The following PLOD1 variants were observed in gnomAD, a reference collection of about 807,000 sequenced individuals.
PLOD1 encodes procollagen-lysine,2-oxoglutarate 5-dioxygenase 1, also known as lysine hydroxylase.
In PLOD1, 70 loss-of-function variants were observed where a neutral mutation model predicts 94.7. That is an observed-to-expected ratio of 0.74 (90% CI 0.61 to 0.90). PLOD1 has a LOEUF of 0.90. Among genes scored for constraint, PLOD1 ranks in the 40% least tolerant of loss-of-function variants. PLOD1 has a pLI of 0.00. For missense variants in PLOD1, 905 were observed against 972.7 expected, an observed-to-expected ratio of 0.93 and a Z score of 0.93; for synonymous variants, 417 against 400.2, an observed-to-expected ratio of 1.04 and a Z score of -0.50.
At chr1:11,954,310 CA>C (rs754503001) in intron 5 of PLOD1, 21,423 of 160,154 alleles carry the variant, frequency 0.13, 139 homozygotes, top group African/African-American at 0.21. Context: ...CCATCTCTAG[CA>C]AAAAAAAAAA....
Position 11,958,536 on chromosome 1 carries a change from C to T in PLOD1, c.864C>T (p.Val288=), listed in dbSNP as rs1054344149. ...TGCAGGATGAAGCTCTGCCCACGGT[C>T]CTGGTCGGCGTGTTCATCGAACAGC... ...KGIGDEALPT[V]LVGVFIEQPT... is the part of the protein sequence containing the mutation. The change falls in exon 9 of 19, where the codon GTC becomes GTT. Residue 288 remains valine (V), a synonymous_variant. Transcript: ENST00000196061. The surrounding 1 kb of genome is among the most constrained non-coding windows in gnomAD (Gnocchi z 4.3). The T allele has an allele frequency of 3.1e-6, 5 of 1,613,904 alleles. No individual in the cohort carries two copies. The highest frequency in any genetic ancestry group is 3.3e-5 in the Admixed American group (2 of 59,976).
In PLOD1 at chr1:11,965,596, G is replaced by A; in HGVS notation, c.1584+3G>A. 6.3e-7 allele frequency: 1 copy of A among 1,587,678 alleles called. No homozygotes were observed. The highest frequency in any genetic ancestry group is 8.6e-7 in the Non-Finnish European group (1 of 1,156,240). ...GGGAGGTGTTCAGCAACCCCGAGGT[G>A]AGGCCAGGGTGGGCACATAGGGGCT... On this transcript the variant is annotated splice_donor_region_variant and intron_variant, in intron 14 of 18. Coordinates refer to ENST00000196061, the MANE Select transcript of PLOD1 (RefSeq NM_000302.4).
In PLOD1 at chr1:11,964,201, G is replaced by C; in HGVS notation, c.1229G>C (p.Arg410Pro). 1 of 1,613,886 alleles carries C rather than the reference G, an allele frequency of 6.2e-7. No homozygotes were observed. The highest frequency in any genetic ancestry group is 2.2e-5 in the East Asian group (1 of 44,878). Reference sequence around the variant, plus strand: ...AACGTCATTGCCCCGCTGATGACCCGGCATGGGAGGCTGTGGTCGAACTTC... The same window carrying C: ...AACGTCATTGCCCCGCTGATGACCCCGCATGGGAGGCTGTGGTCGAACTTC... The part of the protein sequence containing the change: ...NKNVIAPLMT[R>P]HGRLWSNFWG... The change falls in exon 12 of 19, where the codon CGG (arginine) becomes CCG (proline). Residue 410 changes from arginine to proline, a missense_variant. Coordinates refer to ENST00000196061, the MANE Select transcript of PLOD1 (RefSeq NM_000302.4).
intron 14 of PLOD1, 41 bp downstream of exon 14, chr1:11,965,634 G>T (rs754281247): frequency 1.1e-5 from 14 of 1,220,158 alleles, no homozygotes; most frequent in Non-Finnish European, 1.7e-5. Context: ...GAGCAAAGGG[G>T]CCCAGTGATC....
chr1:11,939,898 G>A (rs543897330), intron 1 of PLOD1, among the ~76,000 whole-genome samples: 8 of 152,104 alleles, frequency 5.3e-5, no homozygotes, highest in East Asian at 3.9e-4. Context: ...GTGAGCCACC[G>A]CACACATCAT....
At position 11,957,178 on chromosome 1, in the gene PLOD1, T is replaced by G. The variant is rs768581465; in HGVS notation, c.741+164T>G. The G allele has an allele frequency of 1.3e-6, 1 of 764,324 alleles. No homozygotes were observed. The highest frequency in any genetic ancestry group is 1.7e-5 in the Admixed American group (1 of 58,460). The allele number at this position is 764,324 out of a possible 1,614,324, so 47.3% of individuals were successfully genotyped here. On this transcript the variant is annotated intron_variant, in intron 7 of 18. Transcript: ENST00000196061. The surrounding 1 kb of genome is among the most constrained non-coding windows in gnomAD (Gnocchi z 4.1). ...CATCTGAGCTCAGCGTGATGCCTTC[T>G]TTTCCTGCTGTGGTGGTCAGTGGTA...
chr1:11,957,990 T>C lies in PLOD1; in HGVS notation c.843+47T>C. 2 of 1,199,092 alleles carry C rather than the reference T, an allele frequency of 1.7e-6. No homozygotes were observed. The highest frequency in any genetic ancestry group is 2.5e-6 in the Non-Finnish European group (2 of 800,968). 74.3% of individuals were successfully genotyped at this position (1,199,092 alleles called of 1,614,324 possible). ...TGCCTGAGGGACACGGGGGGCTCAG[T>C]CCCCTGAGATGGCGAGATGGGTGAT... On this transcript the variant is annotated intron_variant, in intron 8 of 18. Coordinates refer to ENST00000196061, the MANE Select transcript of PLOD1 (RefSeq NM_000302.4). The surrounding 1 kb of genome is among the most constrained non-coding windows in gnomAD (Gnocchi z 4.1).
At chr1:11,955,862 G>T (rs1193411722) in intron 6 of PLOD1, among the ~76,000 whole-genome samples, 1 of 151,938 alleles carries the variant, frequency 6.6e-6, no homozygotes, top group Non-Finnish European at 1.5e-5. Flanking sequence ...CTGACCTCAG[G>T]TGATCCACCT....
In PLOD1 at chr1:11,963,346, G is replaced by C. The variant is rs979920016; in HGVS notation, c.1098-186G>C. 6.6e-6 allele frequency among the ~76,000 whole-genome samples: 1 copy of C among 152,218 alleles called. No homozygotes were observed. The highest frequency in any genetic ancestry group is 2.4e-5 in the African/African-American group (1 of 41,452). ...ACCAGTTGCCAACCTCTGGGCCTTG[G>C]GTGAGAGAGCCCAGCAGTCCAGGGG... On this transcript the variant is annotated intron_variant, in intron 10 of 18. Coordinates refer to ENST00000196061, the MANE Select transcript of PLOD1 (RefSeq NM_000302.4). This position sits in a 1 kb window ranked among gnomAD's most constrained non-coding sequence, Gnocchi z 4.3.
At position 11,952,638 on chromosome 1, in the gene PLOD1, C is replaced by T; in HGVS notation, c.482C>T (p.Ala161Val). The change falls in exon 5 of 19, where the codon GCC becomes GTC. Residue 161 changes from alanine (A) to valine (V), a missense_variant. By Grantham distance (64) the Ala-to-Val change is moderately conservative (BLOSUM62 0). Coordinates refer to ENST00000196061, the MANE Select transcript of PLOD1 (RefSeq NM_000302.4). Reference sequence around the variant, plus strand: ...CAACCTTCAGGCTTCATCGGTTATGCCCCCAACCTCAGCAAACTGGTGGCC... The same window carrying T: ...CAACCTTCAGGCTTCATCGGTTATGTCCCCAACCTCAGCAAACTGGTGGCC... ...FLGSGGFIGY[A>V]PNLSKLVAEW... is the part of the protein sequence containing the mutation. The T allele has an allele frequency of 1.2e-6, 2 of 1,613,808 alleles. No individual in the cohort carries two copies. Among genetic ancestry groups the T allele is most frequent in the Non-Finnish European group, 1.7e-6 (2 of 1,179,732 alleles).
chr1:11,948,143 TACC>T, intron 2 of PLOD1, 76 bp downstream of exon 2: 1 of 994,466 alleles, frequency 1.0e-6, no homozygotes, highest in Non-Finnish European at 1.6e-6. Context: ...CTTTCCAAAC[TACC>T]ACGTCTCTTA....
At position 11,949,943 on chromosome 1, in the gene PLOD1, G is replaced by A. The variant is rs375832558; in HGVS notation, c.302+37G>A. ...AGGGCTTCCTAGCCTGGGCCCCTCC[G>A]CGGAAGATAGAAGAATATTCTAAAA... On this transcript the variant is annotated intron_variant, in intron 3 of 18. Transcript: ENST00000196061. 83 of 1,605,250 alleles carry A rather than the reference G, an allele frequency of 5.2e-5. No homozygotes were observed. In the African/African-American group the frequency reaches 5.9e-4, roughly 11 times the overall value.
At chr1:11,969,632 T>C (rs77027223) in intron 16 of PLOD1, among the ~76,000 whole-genome samples, 4,534 of 152,248 alleles carry the variant, frequency 0.03, 208 homozygotes, top group African/African-American at 0.1. Flanking sequence ...TCCTGGTTTC[T>C]GTGGGTCAGG....
chr1:11,965,777 C>T (rs1569725599), intron 14 of PLOD1, among the ~76,000 whole-genome samples, 184 bp downstream of exon 14: 1 of 152,134 alleles, frequency 6.6e-6, no homozygotes, highest in Non-Finnish European at 1.5e-5. Context: ...TCCAGAGAGG[C>T]AACACCATCT....
At chr1:11,956,740 C>G (rs1006951451) in intron 6 of PLOD1, among the ~76,000 whole-genome samples, 177 bp from the exon 7 acceptor site, 2 of 152,120 alleles carry the variant, frequency 1.3e-5, no homozygotes, top group African/African-American at 2.4e-5. Context: ...CCCCCTCACC[C>G]CATGAAGAAG....
rs550543036 is a variant in PLOD1, at chr1:11,941,904, GA to G, written c.77-6070del. On this transcript the variant is annotated intron_variant, in intron 1 of 18. Coordinates refer to ENST00000196061, the MANE Select transcript of PLOD1 (RefSeq NM_000302.4). ...TTGCCATGTTGGCCAGGTGGGACTT[GA>G]ATTCCTGACCTCAGGTGATCTGTCC... Among the ~76,000 whole-genome samples, 32 of 151,534 alleles carry G rather than the reference GA, an allele frequency of 2.1e-4. No homozygotes were observed. In the East Asian group the frequency reaches 5.5e-3, roughly 26 times the overall value.
intron 3 of PLOD1, 37 bp downstream of exon 3, chr1:11,949,943 GC>G: frequency 6.2e-7 from 1 of 1,605,250 alleles, no homozygotes; most frequent in South Asian, 1.1e-5. Context: ...GGGCCCCTCC[GC>G]GGAAGATAGA....
Position 11,948,052 on chromosome 1 carries a change from C to G in PLOD1, c.153C>G (p.Phe51Leu), listed in dbSNP as rs371961536. 6.2e-7 allele frequency: 1 copy of G among 1,612,694 alleles called. No homozygotes were observed. Among genetic ancestry groups the G allele is most frequent in the African/African-American group, 1.3e-5 (1 of 74,884 alleles). The change falls in exon 2 of 19, where the codon TTC becomes TTG. Residue 51 changes from phenylalanine (F) to leucine (L), a missense_variant. By Grantham distance (22) the Phe-to-Leu change is conservative. Coordinates refer to ENST00000196061, the MANE Select transcript of PLOD1 (RefSeq NM_000302.4). ...FRRFKRSAQF[F>L]NYKIQALGLG... The stretch of plus-strand genomic sequence containing the variant: ...GCTTCAAGCGCTCAGCTCAGTTCTT[C>G]AACTACAAGATCCAGGTAAGGGGTT...
At position 11,972,773 on chromosome 1, in the gene PLOD1, C is replaced by A; in HGVS notation, c.1903-99C>A. On this transcript the variant is annotated intron_variant, in intron 17 of 18. Coordinates refer to ENST00000196061, the MANE Select transcript of PLOD1 (RefSeq NM_000302.4). This position sits in a 1 kb window ranked among gnomAD's most constrained non-coding sequence, Gnocchi z 4.6. ...GACCTGGCCCCTGTAAGCTGACCTGCAGCAGGCCAGACCAGGCCCCATGTG... is the reference window on the plus strand; with the variant it reads ...GACCTGGCCCCTGTAAGCTGACCTGAAGCAGGCCAGACCAGGCCCCATGTG... The A allele has an allele frequency of 2.2e-6, 3 of 1,376,638 alleles. No individual in the cohort carries two copies. Among genetic ancestry groups the A allele is most frequent in the Non-Finnish European group, 3.1e-6 (3 of 966,138 alleles). The allele number at this position is 1,376,638 out of a possible 1,614,324, so 85.3% of individuals were successfully genotyped here. A position where few individuals can be genotyped will look rare whatever the true frequency, so the allele number is the denominator to read the frequency against.
Sources: gnomAD v4.1 joint callset for allele counts (sites outside exome capture counted in the v4.1 genomes callset) on GRCh38, gnomAD v4.1.1 for gene constraint, Gnocchi (gnomAD v3.1) non-coding constraint, MANE v1.5 for transcripts, NCBI Gene and HGNC (gene_info 2026-07-23, HGNC 2026-07-21) for gene names.